The following FAT3 variants were observed in gnomAD, a reference collection of about 807,000 sequenced individuals.
FAT3 encodes the protein FAT atypical cadherin 3.
Under a neutral mutation model 310.2 loss-of-function variants are expected in FAT3, and 95 were observed. The ratio of observed to expected loss-of-function variants is 0.31; its 90% CI spans 0.26 to 0.36. The LOEUF (loss-of-function observed/expected upper bound fraction) is 0.36, where lower values mean the gene tolerates loss of function less well. Among genes scored for constraint, FAT3 ranks in the 10% least tolerant of loss-of-function variants. The pLI, the probability that FAT3 is intolerant of heterozygous loss-of-function variation, is 1.00. For synonymous variants in FAT3, 2,314 were observed against 2,192.9 expected (o/e 1.06, Z -1.54); for missense variants, 5,408 against 5,715.6 (o/e 0.95, Z 1.74).
At chr11:92,674,318 C>G (rs1360295254) in intron 3 of FAT3, among the ~76,000 whole-genome samples, 1 of 151,434 alleles carries the variant, frequency 6.6e-6, no homozygotes. Context: ...CTCTAAGGAG[C>G]TCCTGAGCTT....
At chr11:92,789,356 G>A (rs1946978801) in intron 7 of FAT3, among the ~76,000 whole-genome samples, 1 of 152,110 alleles carries the variant, frequency 6.6e-6, no homozygotes, top group South Asian at 2.1e-4. Flanking sequence ...GTAACAAAAT[G>A]CTTTATGAAA....
At chr11:92,351,552 C>T (rs905660480) in intron 1 of FAT3, among the ~76,000 whole-genome samples, 1 of 152,082 alleles carries the variant, frequency 6.6e-6, no homozygotes, top group Non-Finnish European at 1.5e-5. Context: ...CATCTTACTG[C>T]ATCTGAAAAT....
intron 1 of FAT3, among the ~76,000 whole-genome samples, chr11:92,234,948 G>A (rs1864357730): frequency 6.6e-6 from 1 of 151,340 alleles, no homozygotes; most frequent in Admixed American, 6.6e-5. Context: ...GCACATGCCT[G>A]TAGTCCCAGC....
chr11:92,486,695 C>T (rs543420653), intron 2 of FAT3, among the ~76,000 whole-genome samples: 21 of 152,254 alleles, frequency 1.4e-4, no homozygotes, highest in South Asian at 6.2e-4. Flanking sequence ...GTATCTTCCA[C>T]TCTATTCTCT....
intron 3 of FAT3, among the ~76,000 whole-genome samples, chr11:92,653,158 A>G (rs1441359841): frequency 6.6e-6 from 1 of 152,124 alleles, no homozygotes; most frequent in Non-Finnish European, 1.5e-5. Flanking sequence ...AACTCTGTCT[A>G]AAAAATAAAT....
intron 2 of FAT3, among the ~76,000 whole-genome samples, chr11:92,502,498 T>G (rs1219803507): frequency 6.6e-6 from 1 of 152,044 alleles, no homozygotes; most frequent in African/African-American, 2.4e-5. Context: ...ATAAGAGTGA[T>G]GTCCAAAGAC....
intron 4 of FAT3, among the ~76,000 whole-genome samples, chr11:92,702,363 A>G (rs1168478265): frequency 1.3e-5 from 2 of 152,218 alleles, no homozygotes; most frequent in African/African-American, 4.8e-5. Flanking sequence ...GAGAATTAAC[A>G]TGCAAGACAG....
chr11:92,559,729 A>T (rs1192064986), intron 3 of FAT3, among the ~76,000 whole-genome samples: 1 of 152,136 alleles, frequency 6.6e-6, no homozygotes. Context: ...CGTAACATAT[A>T]GTCTTTTGTG....
intron 3 of FAT3, among the ~76,000 whole-genome samples, chr11:92,655,024 G>A (rs1002078447): frequency 6.6e-6 from 1 of 152,106 alleles, no homozygotes; most frequent in African/African-American, 2.4e-5. Flanking sequence ...ACCTCTTCCA[G>A]GTTTCTGAAA....
Position 92,464,135 on chromosome 11 carries a change from A to G in FAT3, c.3293-60499A>G, listed in dbSNP as rs141825615. Among the ~76,000 whole-genome samples the G allele has an allele frequency of 7.5e-3, 1,145 of 152,274 alleles. 8 individuals are homozygous for G. The highest frequency in any genetic ancestry group is 0.027 in the Middle Eastern group (8 of 294). On this transcript the variant is annotated intron_variant, in intron 2 of 27. Transcript: ENST00000525166. ...AAGGATGAGTGTTTTAATCAAGAATAACACCTAATGGTTGGGAGGGTCCCT... is the reference window on the plus strand; with the variant it reads ...AAGGATGAGTGTTTTAATCAAGAATGACACCTAATGGTTGGGAGGGTCCCT...
chr11:92,563,850 A>G (rs1052783978), intron 3 of FAT3, among the ~76,000 whole-genome samples: 1 of 152,166 alleles, frequency 6.6e-6, no homozygotes, highest in Admixed American at 6.6e-5. Flanking sequence ...AGATTTTGTC[A>G]CCACCAGGCC....
chr11:92,713,325 A>G (rs1944582143), intron 4 of FAT3, among the ~76,000 whole-genome samples: 4 of 152,198 alleles, frequency 2.6e-5, no homozygotes, highest in Admixed American at 2.0e-4. Flanking sequence ...CAGATGTTCT[A>G]TTATTTTAGC....
intron 2 of FAT3, among the ~76,000 whole-genome samples, chr11:92,456,664 A>G (rs1006594588): frequency 2.0e-5 from 3 of 152,198 alleles, no homozygotes; most frequent in Non-Finnish European, 4.4e-5. Context: ...GCACATATAT[A>G]TATTTTTAAA....
Position 92,774,140 on chromosome 11 carries a change from G to A in FAT3, c.4295G>A (p.Ser1432Asn), listed in dbSNP as rs1946532282. 1 of 1,613,200 alleles carries A rather than the reference G, an allele frequency of 6.2e-7. No individual in the cohort carries two copies. ...DAEQRSIYNM[S>N]VEVTDGTNVA... The stretch of plus-strand genomic sequence containing the variant: ...GAGCAGAGGTCCATCTATAATATGA[G>A]TGTGGAAGTCACCGATGGGACAAAT... The change falls in exon 7 of 28, where the codon AGT becomes AAT. Residue 1432 changes from serine to asparagine, a missense_variant. Ser to Asn is a conservative substitution (Grantham distance 46, BLOSUM62 1). Coordinates refer to ENST00000525166, the MANE Select transcript of FAT3 (RefSeq NM_001367949.2).
At position 92,798,909 on chromosome 11, in the gene FAT3, T is replaced by G. The variant is rs1418861703; in HGVS notation, c.5896T>G (p.Ser1966Ala). The change falls in exon 10 of 28, where the codon TCC (serine) becomes GCC (alanine). Residue 1966 changes from serine to alanine, a missense_variant. Ser to Ala is a moderately conservative substitution (Grantham distance 99). Transcript: ENST00000525166. ...GTCTGATGGAAAGTTCTACAGTACCTCCATGGTCACCATCATGGTTAAAGA... is the reference window on the plus strand; with the variant it reads ...GTCTGATGGAAAGTTCTACAGTACCGCCATGGTCACCATCATGGTTAAAGA... ...KVSDGKFYST[S>A]MVTIMVKEAM... The G allele has an allele frequency of 5.0e-6, 8 of 1,614,002 alleles. No individual in the cohort carries two copies. The highest frequency in any genetic ancestry group is 6.8e-6 in the Non-Finnish European group (8 of 1,179,878).
At chr11:92,516,512 A>G (rs1351964598) in intron 2 of FAT3, among the ~76,000 whole-genome samples, 2 of 152,172 alleles carry the variant, frequency 1.3e-5, no homozygotes, top group Non-Finnish European at 2.9e-5. Context: ...GCTATTTATG[A>G]CAAGCCCATA....
intron 23 of FAT3, 150 bp downstream of exon 23, chr11:92,881,034 T>C: frequency 1.3e-6 from 1 of 798,386 alleles, no homozygotes; most frequent in Middle Eastern, 2.9e-4. Context: ...TGCTTACAGG[T>C]GACTAAAATG....
chr11:92,493,017 C>A (rs1335843219), intron 2 of FAT3, among the ~76,000 whole-genome samples: 1 of 152,016 alleles, frequency 6.6e-6, no homozygotes, highest in East Asian at 1.9e-4. Context: ...AGAGATTCTT[C>A]TCTCCCTCAA....
intron 2 of FAT3, among the ~76,000 whole-genome samples, chr11:92,422,677 G>T (rs1178039149): frequency 2.0e-5 from 3 of 152,166 alleles, no homozygotes; most frequent in Non-Finnish European, 1.5e-5. Context: ...GTAGAAGGGG[G>T]TGTAGTAAGA....
Sources: allele counts gnomAD v4.1 joint callset (sites outside exome capture counted in the v4.1 genomes callset), GRCh38; gene constraint gnomAD v4.1.1; transcripts MANE v1.5; gene names NCBI Gene and HGNC (gene_info 2026-07-23, HGNC 2026-07-21).